The following NRXN1 variants were observed in gnomAD, a reference collection of about 807,000 sequenced individuals.
NRXN1 encodes neurexin 1, also known as neurexin-1.
A neutral mutation model predicts 150.9 loss-of-function variants in NRXN1; 39 were observed. That is an observed-to-expected ratio of 0.26 (90% CI 0.20 to 0.34). The LOEUF is 0.34. Among genes scored for constraint, NRXN1 ranks in the 10% least tolerant of loss-of-function variants. The pLI, the probability that NRXN1 is intolerant of heterozygous loss-of-function variation, is 1.00. For synonymous variants in NRXN1, 924 were observed against 757.0 expected (o/e 1.22, Z -3.62); for missense variants, 1,815 against 1,949.9 (o/e 0.93, Z 1.30).
At chr2:50,921,684 T>G (rs1348161872) in intron 5 of NRXN1, among the ~76,000 whole-genome samples, 185 bp downstream of exon 5, 1 of 151,408 alleles carries the variant, frequency 6.6e-6, no homozygotes, top group Non-Finnish European at 1.5e-5. Context: ...AAAAAAAGGG[T>G]GGGGGCGAAA....
rs1343293809 is a variant in NRXN1, at chr2:50,958,164, G to A, written c.773-32209C>T. ...TGGGACCATTTTCCTGGAATATTTG[G>A]AAAGATTTTAATCAGAAAGTGTGGT... On this transcript the variant is annotated intron_variant, in intron 2 of 22. Transcript: ENST00000401669. 2.6e-5 allele frequency among the ~76,000 whole-genome samples: 4 copies of A among 152,208 alleles called. No homozygotes were observed. The South Asian group carries it at 8.3e-4, about 32-fold the overall frequency.
chr2:50,636,688 C>T lies in NRXN1; in HGVS notation c.833-13073G>A, dbSNP rs1683283770. Among the ~76,000 whole-genome samples, 2 of 152,092 alleles carry T rather than the reference C, an allele frequency of 1.3e-5. 1 individual carries two copies. The highest frequency in any genetic ancestry group is 1.3e-4 in the Admixed American group (2 of 15,264). The stretch of plus-strand genomic sequence containing the variant: ...TAGCTCTCCTATTATTCTGTGAGGA[C>T]TTACAAATTCAGAAAGACAAAGGAA... On this transcript the variant is annotated intron_variant, in intron 5 of 22. Coordinates refer to ENST00000401669, the MANE Select transcript of NRXN1 (RefSeq NM_001330078.2).
chr2:50,429,897 G>C (rs2084813491), intron 17 of NRXN1, among the ~76,000 whole-genome samples: 1 of 152,102 alleles, frequency 6.6e-6, no homozygotes, highest in African/African-American at 2.4e-5. Flanking sequence ...TGCTGCATTT[G>C]CTATCACTTA....
intron 18 of NRXN1, among the ~76,000 whole-genome samples, chr2:50,151,798 A>G (rs538164274): frequency 6.6e-6 from 1 of 151,882 alleles, no homozygotes; most frequent in South Asian, 2.1e-4. Flanking sequence ...AGATAACTGT[A>G]TACTTTAAAA....
At chr2:50,356,177 A>G (rs900276051) in intron 17 of NRXN1, among the ~76,000 whole-genome samples, 1 of 152,186 alleles carries the variant, frequency 6.6e-6, no homozygotes, top group Non-Finnish European at 1.5e-5. Flanking sequence ...TATAATGGAA[A>G]TACTGTCACC....
intron 18 of NRXN1, among the ~76,000 whole-genome samples, chr2:50,179,802 A>C (rs2060585287): frequency 6.6e-6 from 1 of 152,210 alleles, no homozygotes; most frequent in African/African-American, 2.4e-5. Context: ...ATTGAAAAGC[A>C]GCAGCTGCTT....
chr2:50,791,088 T>G lies in NRXN1; in HGVS notation c.832+130781A>C, dbSNP rs1472453394. ...AGCAACTAAAAGTGGATTTATGTTG[T>G]TTTTTTTTTTCAGCAATAAGTAAAT... On this transcript the variant is annotated intron_variant, in intron 5 of 22. Coordinates refer to ENST00000401669, the MANE Select transcript of NRXN1 (RefSeq NM_001330078.2). 1.5e-4 allele frequency among the ~76,000 whole-genome samples: 21 copies of G among 144,690 alleles called. No homozygotes were observed. The East Asian group carries it at 1.7e-3, about 11-fold the overall frequency. 94.9% of individuals were successfully genotyped at this position (144,690 alleles called of 152,430 possible).
At chr2:50,061,635 A>C (rs1694549339) in intron 19 of NRXN1, among the ~76,000 whole-genome samples, 1 of 152,350 alleles carries the variant, frequency 6.6e-6, no homozygotes, top group Non-Finnish European at 1.5e-5. Context: ...TAAAAGCATA[A>C]AACTCTACTA....
At chr2:50,151,409 G>T (rs772039362) in intron 18 of NRXN1, among the ~76,000 whole-genome samples, 4 of 151,564 alleles carry the variant, frequency 2.6e-5, no homozygotes, top group Non-Finnish European at 5.9e-5. Flanking sequence ...TTTAAAATAG[G>T]ATATCAGTAT....
At chr2:50,034,068 G>T (rs1297606213) in intron 21 of NRXN1, among the ~76,000 whole-genome samples, 1 of 151,460 alleles carries the variant, frequency 6.6e-6, no homozygotes, top group East Asian at 1.9e-4. Context: ...TTCAACCATT[G>T]TGGAAAAAAG....
rs909275292 is a variant in NRXN1 at position 50,243,143 on chromosome 2, T to C, written c.3365-6173A>G. Among the ~76,000 whole-genome samples the C allele has an allele frequency of 4.0e-5, 6 of 151,766 alleles. No homozygotes were observed. The East Asian group carries it at 1.2e-3, about 29-fold the overall frequency. ...ATGGTTAATATTATTATATTGTAAA[T>C]TTCAAAATAGCTAGGAGAGAGGATC... On this transcript the variant is annotated intron_variant, in intron 17 of 22. Coordinates refer to ENST00000401669, the MANE Select transcript of NRXN1 (RefSeq NM_001330078.2).
intron 16 of NRXN1, among the ~76,000 whole-genome samples, chr2:50,467,131 C>T (rs183490555): frequency 6.6e-6 from 1 of 151,830 alleles, no homozygotes; most frequent in African/African-American, 2.4e-5. Flanking sequence ...TTTCCATGTG[C>T]AGCGTTTATC....
intron 2 of NRXN1, among the ~76,000 whole-genome samples, chr2:51,022,142 T>G (rs923268276): frequency 5.3e-5 from 8 of 152,024 alleles, no homozygotes; most frequent in African/African-American, 1.7e-4. Flanking sequence ...AAAGTACCCC[T>G]AAAGAAAATA....
At chr2:50,791,328 A>AAAAG (rs1705999542) in intron 5 of NRXN1, among the ~76,000 whole-genome samples, 1 of 151,862 alleles carries the variant, frequency 6.6e-6, no homozygotes, top group African/African-American at 2.4e-5. Flanking sequence ...AAAAAAAAAA[A>AAAAG]AAAAATCCTT....
chr2:50,154,270 G>A (rs4971651), intron 18 of NRXN1, among the ~76,000 whole-genome samples: 25,178 of 151,292 alleles, frequency 0.17, 2,568 homozygotes, highest in East Asian at 0.36. Context: ...TATACTGCTC[G>A]GGTGATGAGT....
intron 2 of NRXN1, among the ~76,000 whole-genome samples, chr2:51,008,421 A>G (rs1374318622): frequency 1.3e-5 from 2 of 151,862 alleles, no homozygotes; most frequent in Non-Finnish European, 2.9e-5. Context: ...TCTCCTTGCT[A>G]TTTAGATTTT....
chr2:51,017,503 C>CTTTTTTTT (rs70958638), intron 2 of NRXN1, among the ~76,000 whole-genome samples: 1 of 44,302 alleles, frequency 2.3e-5, no homozygotes, highest in Admixed American at 3.1e-4. Context: ...CCACATCTGG[C>CTTTTTTTT]TTTTTTTTTT....
chr2:50,412,558 T>C (rs1055696656), intron 17 of NRXN1, among the ~76,000 whole-genome samples: 1 of 151,262 alleles, frequency 6.6e-6, no homozygotes, highest in Non-Finnish European at 1.5e-5. Flanking sequence ...TGCTTTTTTT[T>C]CACTCTTTAT....
intron 2 of NRXN1, among the ~76,000 whole-genome samples, chr2:50,937,553 A>G (rs1405934470): frequency 6.6e-6 from 1 of 152,184 alleles, no homozygotes. Context: ...GAAGGAGTTT[A>G]GTATTAGTTG....
Sources: allele counts gnomAD v4.1 joint callset (sites outside exome capture counted in the v4.1 genomes callset), GRCh38; gene constraint gnomAD v4.1.1; transcripts MANE v1.5; gene names NCBI Gene and HGNC (gene_info 2026-07-23, HGNC 2026-07-21).